SLC16A10: variants seen among roughly 807,000 people sequenced by gnomAD.
SLC16A10 encodes the protein solute carrier family 16 member 10, also known as monocarboxylate transporter 10.
A neutral mutation model predicts 40.0 loss-of-function variants in SLC16A10; 27 were observed. The observed-to-expected ratio is 0.67, with a 90% CI of 0.50 to 0.93. The LOEUF is 0.93. Among genes scored for constraint, SLC16A10 ranks in the 40% least tolerant of loss-of-function variants. The pLI, the probability that SLC16A10 is intolerant of heterozygous loss-of-function variation, is 0.00. For synonymous variants in SLC16A10, 213 were observed against 249.8 expected (o/e 0.85, Z 1.39); for missense variants, 529 against 658.2 (o/e 0.80, Z 2.15).
At chr6:111,221,598 T>C (rs1394301696) in intron 5 of SLC16A10, among the ~76,000 whole-genome samples, 1 of 151,746 alleles carries the variant, frequency 6.6e-6, no homozygotes, top group Non-Finnish European at 1.5e-5. Flanking sequence ...ATATAAAAAT[T>C]AGCCAGGCAT....
In SLC16A10 at chr6:111,173,989, A is replaced by G. The variant is rs562729813; in HGVS notation, c.488+1150A>G. On this transcript the variant is annotated intron_variant, in intron 2 of 5. Transcript: ENST00000368851. ...TGTATTAGAAGAAAAGACACAGTGC[A>G]CTGAAGAGGGACTCACTGTAAGGAA... Among the ~76,000 whole-genome samples the G allele has an allele frequency of 3.3e-5, 5 of 152,302 alleles. No homozygotes were observed. In the South Asian group the frequency reaches 1.0e-3, roughly 32 times the overall value.
chr6:111,104,849 C>G (rs972466338), intron 1 of SLC16A10, among the ~76,000 whole-genome samples: 1 of 151,636 alleles, frequency 6.6e-6, no homozygotes, highest in Non-Finnish European at 1.5e-5. Flanking sequence ...AAAGTATGGC[C>G]GCACTGAGAT....
At chr6:111,126,578 T>C (rs1049291269) in intron 1 of SLC16A10, among the ~76,000 whole-genome samples, 1 of 152,126 alleles carries the variant, frequency 6.6e-6, no homozygotes, top group African/African-American at 2.4e-5. Context: ...CTAGTTAGAG[T>C]CATGTGAGGC....
At chr6:111,151,274 A>T (rs1772167550) in intron 1 of SLC16A10, among the ~76,000 whole-genome samples, 2 of 152,194 alleles carry the variant, frequency 1.3e-5, no homozygotes, top group Non-Finnish European at 2.9e-5. Context: ...ATTTTCAAAC[A>T]AATTCATCAC....
chr6:111,150,888 T>C lies in SLC16A10; in HGVS notation c.344-21807T>C, dbSNP rs112235456. On this transcript the variant is annotated intron_variant, in intron 1 of 5. Transcript: ENST00000368851. The stretch of plus-strand genomic sequence containing the variant: ...CTGTTTTTTTAATTTGTTCTGTGGG[T>C]GCATATTTTTGATCTCCACAACATA... Among the ~76,000 whole-genome samples the C allele has an allele frequency of 2.5e-3, 383 of 152,296 alleles. 2 individuals are homozygous for C. The highest frequency in any genetic ancestry group is 8.7e-3 in the African/African-American group (362 of 41,550).
intron 4 of SLC16A10, among the ~76,000 whole-genome samples, chr6:111,207,491 C>G (rs1156359235): frequency 6.6e-6 from 1 of 152,182 alleles, no homozygotes; most frequent in African/African-American, 2.4e-5. Context: ...TCCTTCATGC[C>G]ACACACTCTG....
chr6:111,182,326 TTTTTTTC>T (rs1345030927), intron 3 of SLC16A10, among the ~76,000 whole-genome samples: 46 of 143,736 alleles, frequency 3.2e-4, no homozygotes, highest in African/African-American at 1.0e-3. Context: ...TTTTTTTTTT[TTTTTTTC>T]CTTTTTAACG....
chr6:111,170,637 C>A (rs138160074), intron 1 of SLC16A10, among the ~76,000 whole-genome samples: 6,576 of 151,954 alleles, frequency 0.043, 342 homozygotes, highest in African/African-American at 0.13. Flanking sequence ...TTAGTAGAGG[C>A]GGAGTTTCAC....
rs984033259 is a variant in SLC16A10, at chr6:111,118,447, C to T, written c.343+30352C>T. Among the ~76,000 whole-genome samples the T allele has an allele frequency of 3.1e-4, 47 of 152,078 alleles. No homozygotes were observed. In the East Asian group the frequency reaches 3.3e-3, roughly 11 times the overall value. ...CTGTAATCCCAGAACTTTGGGAGGC[C>T]GAGGCGGGCGGATCACGAGGTGAAG... is the stretch of plus-strand genomic sequence containing the variant. On this transcript the variant is annotated intron_variant, in intron 1 of 5. Transcript: ENST00000368851.
intron 1 of SLC16A10, among the ~76,000 whole-genome samples, chr6:111,110,642 A>G (rs1306765961): frequency 9.2e-5 from 14 of 152,088 alleles, no homozygotes; most frequent in Admixed American, 9.2e-4. Context: ...ATTGGAAGAG[A>G]ATGGCAAAAG....
At chr6:111,128,270 C>T (rs1255773195) in intron 1 of SLC16A10, among the ~76,000 whole-genome samples, 1 of 152,108 alleles carries the variant, frequency 6.6e-6, no homozygotes, top group Non-Finnish European at 1.5e-5. Context: ...CTCCATTATT[C>T]TGCTACTTTC....
At chr6:111,145,828 G>A (rs755299411) in intron 1 of SLC16A10, among the ~76,000 whole-genome samples, 3 of 152,198 alleles carry the variant, frequency 2.0e-5, no homozygotes, top group Non-Finnish European at 4.4e-5. Flanking sequence ...CAGCCTGGGT[G>A]ACAGAGTGAG....
chr6:111,122,016 A>C (rs1031364458), intron 1 of SLC16A10, among the ~76,000 whole-genome samples: 2 of 151,980 alleles, frequency 1.3e-5, no homozygotes, highest in Non-Finnish European at 2.9e-5. Flanking sequence ...CCCCGTGTTC[A>C]CTGTTGCCCT....
chr6:111,110,036 A>G (rs1771358758), intron 1 of SLC16A10, among the ~76,000 whole-genome samples: 1 of 152,278 alleles, frequency 6.6e-6, no homozygotes, highest in South Asian at 2.1e-4. Flanking sequence ...CTGGAGAGTT[A>G]CAGGGCTTTG....
At chr6:111,105,452 G>A (rs1172217517) in intron 1 of SLC16A10, among the ~76,000 whole-genome samples, 1 of 152,140 alleles carries the variant, frequency 6.6e-6, no homozygotes, top group African/African-American at 2.4e-5. Flanking sequence ...GTGGAATATT[G>A]CACAGTTTAT....
intron 1 of SLC16A10, among the ~76,000 whole-genome samples, chr6:111,135,020 T>A (rs1465712739): frequency 6.6e-6 from 1 of 152,030 alleles, no homozygotes; most frequent in Non-Finnish European, 1.5e-5. Context: ...ACTAGATACT[T>A]CTCCCAGCCA....
At position 111,186,174 on chromosome 6, in the gene SLC16A10, A is replaced by G. The variant is rs560119141; in HGVS notation, c.942+8509A>G. ...CTTGGCTCCCTGCCAAAGCACTGGG[A>G]TTACAGGTGCAAGCCACTGCATCTG... On this transcript the variant is annotated intron_variant, in intron 3 of 5. Coordinates refer to ENST00000368851, the MANE Select transcript of SLC16A10 (RefSeq NM_018593.5). Among the ~76,000 whole-genome samples the G allele has an allele frequency of 1.9e-3, 283 of 152,294 alleles. 1 individual carries two copies. Among genetic ancestry groups the G allele is most frequent in the Non-Finnish European group, 3.2e-3 (218 of 68,018 alleles).
Position 111,222,459 on chromosome 6 carries a change from C to T in SLC16A10, c.*224C>T. ...CAGAGACTCTGGTATATGAAAACGTCTGAAAGTCACATATTGTGAAAATTT... is the reference window on the plus strand; with the variant it reads ...CAGAGACTCTGGTATATGAAAACGTTTGAAAGTCACATATTGTGAAAATTT... On this transcript the variant is annotated 3_prime_UTR_variant, in exon 6 of 6. Transcript: ENST00000368851. 1 of 366,540 alleles carries T rather than the reference C, an allele frequency of 2.7e-6. No homozygotes were observed. The highest frequency in any genetic ancestry group is 4.7e-6 in the Non-Finnish European group (1 of 213,208). 22.7% of individuals were successfully genotyped at this position (366,540 alleles called of 1,614,324 possible). A position where few individuals can be genotyped will look rare whatever the true frequency, so the allele number is the denominator to read the frequency against.
intron 1 of SLC16A10, among the ~76,000 whole-genome samples, chr6:111,139,080 T>TTC (rs1554257713): frequency 1.7e-4 from 22 of 129,060 alleles, no homozygotes; most frequent in Non-Finnish European, 2.4e-4. Flanking sequence ...GGCTTTTTTT[T>TTC]TTCTTCTTCT....
Sources: allele counts gnomAD v4.1 joint callset (sites outside exome capture counted in the v4.1 genomes callset), GRCh38; gene constraint gnomAD v4.1.1; transcripts MANE v1.5; gene names NCBI Gene and HGNC (gene_info 2026-07-23, HGNC 2026-07-21).